BAHCC1: variants seen among roughly 807,000 people sequenced by gnomAD.
BAHCC1 encodes the protein BAH domain and coiled-coil containing 1.
Under a neutral mutation model 88.2 loss-of-function variants are expected in BAHCC1, and 43 were observed. The ratio of observed to expected loss-of-function variants is 0.49; its 90% confidence interval spans 0.38 to 0.63. The LOEUF is 0.63. Among genes scored for constraint, BAHCC1 ranks in the 20% least tolerant of loss-of-function variants. The pLI is 0.00. For synonymous variants in BAHCC1, 1,510 were observed against 745.5 expected (o/e 2.03, Z -16.71); for missense variants, 3,023 against 1,654.8 (o/e 1.83, Z -14.34).
Position 81,455,358 on chromosome 17 carries a change from A to G in BAHCC1, c.4537A>G (p.Ser1513Gly), listed in dbSNP as rs1555657021. Residue 1513 changes from serine (S) to glycine (G), a missense_variant, in exon 15 of 28, where the codon AGC (serine) becomes GGC (glycine). Physicochemically the swap from Ser to Gly is moderately conservative, Grantham distance 56. Coordinates refer to ENST00000675386, the MANE Select transcript of BAHCC1 (RefSeq NM_001377448.1). ...GAAGAAGCGAAGCAAGCTGGAGAGGAGCGTCTATGCGGGCCTGCAGACTGC... is the reference window on the plus strand; with the variant it reads ...GAAGAAGCGAAGCAAGCTGGAGAGGGGCGTCTATGCGGGCCTGCAGACTGC... ...PAKKRSKLER[S>G]VYAGLQTASV... is the part of the protein sequence containing the mutation. The G allele has an allele frequency of 2.8e-6, 2 of 716,756 alleles. No individual in the cohort carries two copies. Among genetic ancestry groups the G allele is most frequent in the Non-Finnish European group, 2.6e-6 (1 of 384,928 alleles). The allele number at this position is 716,756 out of a possible 1,614,324, so 44.4% of individuals were successfully genotyped here.
intron 13 of BAHCC1, 95 bp from the exon 14 acceptor site, chr17:81,452,628 C>T (rs1369575282): frequency 5.2e-6 from 3 of 577,496 alleles, no homozygotes; most frequent in East Asian, 3.3e-5. Context: ...TTTCCCCACA[C>T]CCAGTAGCCC....
intron 9 of BAHCC1, 84 bp from the exon 10 acceptor site, chr17:81,445,270 C>T (rs2064503136): frequency 4.2e-6 from 3 of 721,790 alleles, no homozygotes; most frequent in Middle Eastern, 4.8e-4. Context: ...GCATGCCTGG[C>T]CTCTGGCAGG....
rs1555655805 is a variant in BAHCC1 at position 81,451,738 on chromosome 17, G to A, written c.4047G>A (p.Val1349=). The change falls in exon 12 of 28, where the codon GTG becomes GTA. Residue 1349 remains valine (V), a synonymous_variant. Coordinates refer to ENST00000675386, the MANE Select transcript of BAHCC1 (RefSeq NM_001377448.1). ...CGCTGGCCACAGCCTGGTCCCTGGT[G>A]GAGGCCGCTGGCCTGGACAGCTCCA... ...LATLATAWSL[V]EAAGLDSSTA... The A allele has an allele frequency of 2.6e-6, 2 of 775,386 alleles. No homozygotes were observed. The highest frequency in any genetic ancestry group is 4.9e-5 in the East Asian group (2 of 41,228). The allele number at this position is 775,386 out of a possible 1,614,324, so 48.0% of individuals were successfully genotyped here.
Position 81,426,912 on chromosome 17 carries a change from C to T in BAHCC1, c.291C>T (p.Pro97=), listed in dbSNP as rs960244787. The change falls in exon 3 of 28, where the codon CCC becomes CCT. Residue 97 remains proline (P), a synonymous_variant. Transcript: ENST00000675386. ...ACCCCAGCGGCCCCAGCTCCTCCCC[C>T]CCTGAGCAGGCCTACCGTGGCTCCC... is the stretch of plus-strand genomic sequence containing the variant. The part of the protein sequence containing the change: ...STHPSGPSSS[P]PEQAYRGSHP... 2.5e-6 allele frequency: 1 copy of T among 399,050 alleles called. No homozygotes were observed. The highest frequency in any genetic ancestry group is 4.4e-5 in the Admixed American group (1 of 22,744). The allele number at this position is 399,050 out of a possible 1,614,324, so 24.7% of individuals were successfully genotyped here.
rs781853374 is a variant in BAHCC1 at position 81,444,739 on chromosome 17, T to C, written c.2584T>C (p.Ser862Pro). The change falls in exon 8 of 28, where the codon TCT (serine) becomes CCT (proline). Residue 862 changes from serine to proline, a missense_variant. By Grantham distance (74) the Ser-to-Pro change is moderately conservative. Transcript: ENST00000675386. ...CGCCTCCGTGGCTGGCCCTGTGCCCTCTGTCTTCCCCCTCCCACAGGACGC... is the reference window on the plus strand; with the variant it reads ...CGCCTCCGTGGCTGGCCCTGTGCCCCCTGTCTTCCCCCTCCCACAGGACGC... ...FPASVAGPVPSVFPLPQDAPT... is the reference protein window; with the variant it reads ...FPASVAGPVPPVFPLPQDAPT... 1 of 778,368 alleles carries C rather than the reference T, an allele frequency of 1.3e-6. No homozygotes were observed. Among genetic ancestry groups the C allele is most frequent in the South Asian group, 1.3e-5 (1 of 74,578 alleles). The allele number at this position is 778,368 out of a possible 1,614,324, so 48.2% of individuals were successfully genotyped here. A position where few individuals can be genotyped will look rare whatever the true frequency, so the allele number is the denominator to read the frequency against.
At chr17:81,449,089 G>A (rs113777213) in intron 11 of BAHCC1, among the ~76,000 whole-genome samples, 1 of 152,200 alleles carries the variant, frequency 6.6e-6, no homozygotes, top group Non-Finnish European at 1.5e-5. Context: ...AATGCCTGCA[G>A]GACAGGAGCC....
intron 2 of BAHCC1, among the ~76,000 whole-genome samples, chr17:81,420,070 C>T (rs2064097750): frequency 6.6e-6 from 1 of 152,096 alleles, no homozygotes; most frequent in South Asian, 2.1e-4. Context: ...CCTCGGGACC[C>T]TGGATGGGGG....
At chr17:81,418,431 C>T (rs1955489536) in intron 2 of BAHCC1, among the ~76,000 whole-genome samples, 1 of 152,202 alleles carries the variant, frequency 6.6e-6, no homozygotes, top group African/African-American at 2.4e-5. Flanking sequence ...CAGAACTGAG[C>T]AGCTGTGCCG....
At chr17:81,452,349 G>C (rs1555656075) in intron 13 of BAHCC1, among the ~76,000 whole-genome samples, 1 of 152,154 alleles carries the variant, frequency 6.6e-6, no homozygotes, top group African/African-American at 2.4e-5. Context: ...CCGCTTGTCA[G>C]AGCCTGGTGT....
chr17:81,422,815 G>A (rs1412804700), intron 2 of BAHCC1: 3 of 435,302 alleles, frequency 6.9e-6, no homozygotes, highest in Middle Eastern at 3.3e-4. Context: ...GAAAAGGCGG[G>A]AGGGACTTCC....
At chr17:81,395,738 G>A (rs1199982801) in intron 1 of BAHCC1, 103 bp downstream of exon 1, 11 of 150,160 alleles carry the variant, frequency 7.3e-5, no homozygotes, top group African/African-American at 2.2e-4. Context: ...TTTAGCAAAA[G>A]AAATTCAGGA....
chr17:81,424,438 AT>A (rs2064150382), intron 2 of BAHCC1, among the ~76,000 whole-genome samples: 1 of 152,252 alleles, frequency 6.6e-6, no homozygotes, highest in African/African-American at 2.4e-5. Context: ...GAGGAGGCCC[AT>A]CCACAGACCC....
intron 4 of BAHCC1, among the ~76,000 whole-genome samples, chr17:81,441,214 G>C (rs781949799): frequency 6.6e-6 from 1 of 152,158 alleles, no homozygotes; most frequent in African/African-American, 2.4e-5. Flanking sequence ...AGTGTTTCAC[G>C]GGGACAGAAC....
chr17:81,451,961 C>G lies in BAHCC1; in HGVS notation c.4180-10C>G. On this transcript the variant is annotated splice_polypyrimidine_tract_variant and intron_variant, in intron 12 of 27. Transcript: ENST00000675386. ...GCCCGGCTCACAGGCCCCTGTGCCC[C>G]CCCCACCAGGTGTGCCCCCTGAAGG... 3.2e-6 allele frequency: 2 copies of G among 622,492 alleles called. No individual in the cohort carries two copies. Among genetic ancestry groups the G allele is most frequent in the Non-Finnish European group, 5.8e-6 (2 of 346,494 alleles). The allele number at this position is 622,492 out of a possible 1,614,324, so 38.6% of individuals were successfully genotyped here. A position where few individuals can be genotyped will look rare whatever the true frequency, so the allele number is the denominator to read the frequency against.
chr17:81,457,418 T>C lies in BAHCC1; in HGVS notation c.4867T>C (p.Tyr1623His), dbSNP rs1555657573. ...CTCTGCCTCTCTCCCAGGCAGTGGCTATGACAGTGAGGACTGCGAGGGTCT... is the reference window on the plus strand; with the variant it reads ...CTCTGCCTCTCTCCCAGGCAGTGGCCATGACAGTGAGGACTGCGAGGGTCT... ...VAASQEAGSGYDSEDCEGLLG... is the reference protein window; with the variant it reads ...VAASQEAGSGHDSEDCEGLLG... The change falls in exon 17 of 28, where the codon TAT (tyrosine) becomes CAT (histidine). Residue 1623 changes from tyrosine (Y) to histidine (H), a missense_variant. Physicochemically the swap from Tyr to His is moderately conservative, Grantham distance 83. Transcript: ENST00000675386. 1.3e-6 allele frequency: 1 copy of C among 770,402 alleles called. No individual in the cohort carries two copies. Among genetic ancestry groups the C allele is most frequent in the South Asian group, 1.4e-5 (1 of 72,708 alleles). The allele number at this position is 770,402 out of a possible 1,614,324, so 47.7% of individuals were successfully genotyped here.
rs534989414 is a variant in BAHCC1, at chr17:81,462,058, G to C, written c.7383+12G>C. 98 of 734,984 alleles carry C rather than the reference G, an allele frequency of 1.3e-4. 1 individual carries two copies. In the East Asian group the frequency reaches 2.3e-3, roughly 17 times the overall value. The allele number at this position is 734,984 out of a possible 1,614,324, so 45.5% of individuals were successfully genotyped here. A position where few individuals can be genotyped will look rare whatever the true frequency, so the allele number is the denominator to read the frequency against. ...GGAATCCCACACAGGTAGGTCCAGC[G>C]GGAGGCGGGAGGAGCTCCTGGTTCC... is the stretch of plus-strand genomic sequence containing the variant. On this transcript the variant is annotated intron_variant, in intron 26 of 27. Transcript: ENST00000675386.
chr17:81,400,450 G>A (rs1198174506), intron 2 of BAHCC1, among the ~76,000 whole-genome samples: 4 of 152,174 alleles, frequency 2.6e-5, no homozygotes, highest in African/African-American at 7.2e-5. Flanking sequence ...GCCTTAAAGT[G>A]TCAGGGCGAG....
rs1295793091 is a variant in BAHCC1, at chr17:81,447,624, G to A, written c.3752G>A (p.Ser1251Asn). 2 of 744,594 alleles carry A rather than the reference G, an allele frequency of 2.7e-6. No individual in the cohort carries two copies. The highest frequency in any genetic ancestry group is 1.7e-5 in the African/African-American group (1 of 58,330). The allele number at this position is 744,594 out of a possible 1,614,324, so 46.1% of individuals were successfully genotyped here. Residue 1251 changes from serine (S) to asparagine (N), a missense_variant, in exon 11 of 28, where the codon AGC (serine) becomes AAC (asparagine). Physicochemically the swap from Ser to Asn is conservative, Grantham distance 46. Transcript: ENST00000675386. ...EEDCGGAPDN[S>N]HPPRALPGLD... Reference sequence around the variant, plus strand: ...GACTGTGGCGGAGCTCCCGACAACAGCCACCCACCCAGGGCGCTACCAGGC... The same window carrying A: ...GACTGTGGCGGAGCTCCCGACAACAACCACCCACCCAGGGCGCTACCAGGC...
intron 2 of BAHCC1, among the ~76,000 whole-genome samples, chr17:81,413,911 G>A (rs1294119008): frequency 2.0e-5 from 3 of 152,226 alleles, no homozygotes; most frequent in Non-Finnish European, 2.9e-5. Context: ...TCAGCTGCCT[G>A]CCTGGGTGGG....
Sources: allele counts gnomAD v4.1 joint callset (sites outside exome capture counted in the v4.1 genomes callset), GRCh38; gene constraint gnomAD v4.1.1; transcripts MANE v1.5; gene names NCBI Gene and HGNC (gene_info 2026-07-23, HGNC 2026-07-21).